Variants in KIF13B observed in about 807,000 individuals in gnomAD.
KIF13B encodes the protein kinesin-like protein KIF13B.
In KIF13B, 127 loss-of-function variants were observed where a neutral mutation model predicts 222.0. The ratio of observed to expected loss-of-function variants is 0.57; its 90% CI spans 0.50 to 0.66. KIF13B has a LOEUF of 0.66. Among genes scored for constraint, KIF13B ranks in the 30% least tolerant of loss-of-function variants. The probability of loss-of-function intolerance (pLI) is 0.00; values close to 1 mark genes in which losing one functional copy is unlikely to be tolerated. For missense variants in KIF13B, 2,173 were observed against 2,379.0 expected (o/e 0.91, Z 1.80); for synonymous variants, 976 against 919.0 (o/e 1.06, Z -1.12).
intron 15 of KIF13B, among the ~76,000 whole-genome samples, chr8:29,149,344 T>C (rs752761733): frequency 6.6e-6 from 1 of 152,182 alleles, no homozygotes; most frequent in African/African-American, 2.4e-5. Flanking sequence ...GTAACCAAAA[T>C]ATCACTGGCC....
At chr8:29,206,668 C>T (rs1052769085) in intron 2 of KIF13B, among the ~76,000 whole-genome samples, 9 of 152,090 alleles carry the variant, frequency 5.9e-5, no homozygotes, top group Non-Finnish European at 7.4e-5. Context: ...TACAGTCTGC[C>T]GTGCCAAGCA....
chr8:29,177,380 C>A, intron 9 of KIF13B, 86 bp downstream of exon 9: 1 of 1,004,618 alleles, frequency 1.0e-6, no homozygotes. Context: ...AATTTCAAAT[C>A]ACCTTAATAT....
At chr8:29,219,776 A>C (rs994916553) in intron 2 of KIF13B, among the ~76,000 whole-genome samples, 13 of 151,590 alleles carry the variant, frequency 8.6e-5, no homozygotes, top group African/African-American at 3.2e-4. Context: ...TAAATAAATA[A>C]ATAAGGCAAG....
chr8:29,117,285 G>C (rs919942687), intron 30 of KIF13B, among the ~76,000 whole-genome samples: 1 of 152,148 alleles, frequency 6.6e-6, no homozygotes, highest in Non-Finnish European at 1.5e-5. Flanking sequence ...ATTCAGTCGA[G>C]TGATTTGTAC....
intron 35 of KIF13B, among the ~76,000 whole-genome samples, chr8:29,103,412 C>T (rs1179981790): frequency 6.6e-6 from 1 of 152,120 alleles, no homozygotes; most frequent in Non-Finnish European, 1.5e-5. Context: ...TCTTGGCAGA[C>T]AGTCATAAAA....
chr8:29,207,904 G>A (rs1318247943), intron 2 of KIF13B, among the ~76,000 whole-genome samples: 1 of 152,184 alleles, frequency 6.6e-6, no homozygotes, highest in Non-Finnish European at 1.5e-5. Context: ...AAACGTGAAT[G>A]AGGAAAGCAC....
chr8:29,245,638 C>A (rs1815988375), intron 1 of KIF13B, among the ~76,000 whole-genome samples, 199 bp from the exon 2 acceptor site: 1 of 152,190 alleles, frequency 6.6e-6, no homozygotes, highest in Admixed American at 6.5e-5. Flanking sequence ...TGGTGAAGGA[C>A]TGGGCAGCTT....
intron 37 of KIF13B, among the ~76,000 whole-genome samples, chr8:29,082,386 G>T (rs183568356): frequency 2.0e-5 from 3 of 152,138 alleles, no homozygotes; most frequent in Non-Finnish European, 2.9e-5. Flanking sequence ...TACTGGAAAA[G>T]ATATCGCTTC....
chr8:29,149,070 G>C (rs1811187310), intron 15 of KIF13B, among the ~76,000 whole-genome samples: 1 of 152,208 alleles, frequency 6.6e-6, no homozygotes, highest in African/African-American at 2.4e-5. Context: ...CATTTGAACT[G>C]AGTCTTCACG....
At chr8:29,142,718 A>G (rs1278516206) in intron 18 of KIF13B, among the ~76,000 whole-genome samples, 1 of 152,104 alleles carries the variant, frequency 6.6e-6, no homozygotes, top group Non-Finnish European at 1.5e-5. Context: ...ACGTGCCTGT[A>G]ATGCCAGCTA....
intron 37 of KIF13B, among the ~76,000 whole-genome samples, chr8:29,082,273 A>G (rs1446982402): frequency 1.3e-5 from 2 of 152,236 alleles, no homozygotes; most frequent in Admixed American, 1.3e-4. Flanking sequence ...CTATAAGTGA[A>G]TGACACCATT....
Position 29,072,107 on chromosome 8 carries a change from G to C in KIF13B, c.4731C>G (p.Thr1577=), listed in dbSNP as rs772932097. The part of the protein sequence containing the change: ...GYFSHSVSTA[T]LSDALGPGLD... ...GGCCGGGGCCCAGGGCGTCCGACAGGGTCGCGGTGGAGACGCTGTGGGAGA... is the reference window on the plus strand; with the variant it reads ...GGCCGGGGCCCAGGGCGTCCGACAGCGTCGCGGTGGAGACGCTGTGGGAGA... The change falls in exon 39 of 40, where the codon ACC becomes ACG. Residue 1577 remains threonine, a synonymous_variant. Transcript: ENST00000524189. 19 of 1,360,498 alleles carry C rather than the reference G, an allele frequency of 1.4e-5. No individual in the cohort carries two copies. Among genetic ancestry groups the C allele is most frequent in the African/African-American group, 6.1e-5 (4 of 65,574 alleles). The allele number at this position is 1,360,498 out of a possible 1,614,324, so 84.3% of individuals were successfully genotyped here. A position where few individuals can be genotyped will look rare whatever the true frequency, so the allele number is the denominator to read the frequency against.
intron 21 of KIF13B, among the ~76,000 whole-genome samples, chr8:29,135,568 G>A (rs1292960496): frequency 6.6e-6 from 1 of 152,116 alleles, no homozygotes; most frequent in East Asian, 1.9e-4. Flanking sequence ...TACAGTTAAT[G>A]AAAATAAATC....
rs1172423909 is a variant in KIF13B, at chr8:29,069,313, G to C, written c.*1191C>G. 1 of 152,248 alleles carries C rather than the reference G, an allele frequency of 6.6e-6. No homozygotes were observed. The highest frequency in any genetic ancestry group is 2.4e-5 in the African/African-American group (1 of 41,454). 9.4% of individuals were successfully genotyped at this position (152,248 alleles called of 1,614,324 possible). A position where few individuals can be genotyped will look rare whatever the true frequency, so the allele number is the denominator to read the frequency against. ...CCCACACCATGCACGGTGGGCCTGG[G>C]GGCGTGGCTGCTGTGAGGGTCTGGA... On this transcript the variant is annotated 3_prime_UTR_variant, in exon 40 of 40. Coordinates refer to ENST00000524189, the MANE Select transcript of KIF13B (RefSeq NM_015254.4).
intron 33 of KIF13B, 50 bp downstream of exon 33, chr8:29,109,868 A>G: frequency 1.3e-6 from 2 of 1,582,388 alleles, no homozygotes; most frequent in Non-Finnish European, 8.6e-7. Flanking sequence ...ACACAGACTC[A>G]GCCTGCATCA....
At position 29,184,226 on chromosome 8, in the gene KIF13B, C is replaced by T. The variant is rs867888205; in HGVS notation, c.497+2066G>A. Among the ~76,000 whole-genome samples, 2 of 150,506 alleles carry T rather than the reference C, an allele frequency of 1.3e-5. 1 individual carries two copies. Among genetic ancestry groups the T allele is most frequent in the South Asian group, 4.2e-4 (2 of 4,770 alleles). ...AGATGCTGAATTAATATAATTAGTA[C>T]GTGAATAAAAAATGAAGTTTTCTCA... On this transcript the variant is annotated intron_variant, in intron 6 of 39. Coordinates refer to ENST00000524189, the MANE Select transcript of KIF13B (RefSeq NM_015254.4).
chr8:29,260,530 T>C (rs960157530), intron 1 of KIF13B, among the ~76,000 whole-genome samples: 2 of 152,180 alleles, frequency 1.3e-5, no homozygotes, highest in African/African-American at 4.8e-5. Flanking sequence ...CAAAGTAATA[T>C]TCTTTTCAAA....
rs1044368390 is a variant in KIF13B, at chr8:29,229,656, C to T, written c.149+15690G>A. 2.6e-5 allele frequency among the ~76,000 whole-genome samples: 4 copies of T among 152,162 alleles called. No homozygotes were observed. The South Asian group carries it at 8.3e-4, about 32-fold the overall frequency. Reference sequence around the variant, plus strand: ...TCTAAGCATTCAAAGACCTTGACCACGGAGTTCCTTTTCTTATGATAATGA... The same window carrying T: ...TCTAAGCATTCAAAGACCTTGACCATGGAGTTCCTTTTCTTATGATAATGA... On this transcript the variant is annotated intron_variant, in intron 2 of 39. Transcript: ENST00000524189.
Position 29,070,813 on chromosome 8 carries a change from C to G in KIF13B, c.5219-47G>C, listed in dbSNP as rs745452025. On this transcript the variant is annotated intron_variant, in intron 39 of 39. Coordinates refer to ENST00000524189, the MANE Select transcript of KIF13B (RefSeq NM_015254.4). This position sits in a 1 kb window ranked among gnomAD's most constrained non-coding sequence, Gnocchi z 4.1. ...ATATGGAGGGCAGCCGAGCTGCAGA[C>G]GGCCCCCTGCACCTCCCTTACCTCT... 26 of 1,560,264 alleles carry G rather than the reference C, an allele frequency of 1.7e-5. No individual in the cohort carries two copies. The highest frequency in any genetic ancestry group is 2.3e-5 in the Non-Finnish European group (26 of 1,152,248).
Sources: allele counts gnomAD v4.1 joint callset (sites outside exome capture counted in the v4.1 genomes callset), GRCh38; gene constraint gnomAD v4.1.1; non-coding constraint Gnocchi (gnomAD v3.1); transcripts MANE v1.5; gene names NCBI Gene and HGNC (gene_info 2026-07-23, HGNC 2026-07-21).